The following ACTA2 variants were observed in gnomAD, a reference collection of about 807,000 sequenced individuals.
ACTA2 encodes the protein actin, aortic smooth muscle.
ACTA2 carries 12 observed loss-of-function variants against 39.5 expected under a neutral mutation model. That is an observed-to-expected ratio of 0.30 (90% CI 0.19 to 0.49). The LOEUF (loss-of-function observed/expected upper bound fraction) is 0.49, where lower values mean the gene tolerates loss of function less well. Ranked by LOEUF, ACTA2 falls within the 20% of genes least tolerant of loss-of-function variation. The pLI, the probability that ACTA2 is intolerant of heterozygous loss-of-function variation, is 0.99. For missense variants in ACTA2, 236 were observed against 498.8 expected (o/e 0.47, Z 5.02); for synonymous variants, 158 against 180.6 (o/e 0.88, Z 1.00).
chr10:88,948,561 A>G (rs1013809473), intron 2 of ACTA2: 9 of 480,754 alleles, frequency 1.9e-5, no homozygotes, highest in East Asian at 4.0e-5. Flanking sequence ...GATAATGACT[A>G]TATTTAGACA....
intron 1 of ACTA2, 63 bp from the exon 2 acceptor site, chr10:88,949,016 A>G: frequency 6.4e-7 from 1 of 1,573,558 alleles, no homozygotes; most frequent in African/African-American, 1.3e-5. Flanking sequence ...CTTACCTGAC[A>G]ACTCCCACCT....
At chr10:88,950,650 C>T (rs984880530) in intron 1 of ACTA2, among the ~76,000 whole-genome samples, 1 of 152,140 alleles carries the variant, frequency 6.6e-6, no homozygotes, top group Non-Finnish European at 1.5e-5. Context: ...TTTAGGACAA[C>T]GAAGATTTCA....
chr10:88,972,903 A>G (rs1161450829), intron 1 of ACTA2, among the ~76,000 whole-genome samples: 1 of 152,146 alleles, frequency 6.6e-6, no homozygotes, highest in Non-Finnish European at 1.5e-5. Context: ...ATTTTGTAGG[A>G]TACTAGGTGT....
intron 1 of ACTA2, among the ~76,000 whole-genome samples, chr10:88,978,915 T>C (rs562041166): frequency 2.6e-5 from 4 of 151,460 alleles, no homozygotes; most frequent in African/African-American, 9.7e-5. Flanking sequence ...ATTATTATTA[T>C]TAATAGGAAC....
chr10:88,962,167 G>C (rs80328397), intron 1 of ACTA2, among the ~76,000 whole-genome samples: 2,486 of 152,234 alleles, frequency 0.016, 84 homozygotes, highest in African/African-American at 0.057. Flanking sequence ...AGAGTTGCCA[G>C]ATCTTCCACT....
At chr10:88,960,585 C>A (rs148011552) in intron 1 of ACTA2, among the ~76,000 whole-genome samples, 2 of 152,036 alleles carry the variant, frequency 1.3e-5, no homozygotes, top group African/African-American at 4.8e-5. Context: ...CTAAAGAAGA[C>A]AAAATATCAG....
At chr10:88,975,192 T>A (rs1846534599) in intron 1 of ACTA2, 1 of 151,094 alleles carries the variant, frequency 6.6e-6, no homozygotes, top group South Asian at 2.1e-4. Context: ...CAAACAATGA[T>A]ACTGCCTCTA....
rs527241765 is a variant in ACTA2, at chr10:88,960,575, C to T, written c.-23-11622G>A. Among the ~76,000 whole-genome samples, 5 of 152,168 alleles carry T rather than the reference C, an allele frequency of 3.3e-5. No individual in the cohort carries two copies. The South Asian group carries it at 1.0e-3, about 32-fold the overall frequency. On this transcript the variant is annotated intron_variant, in intron 1 of 4. Transcript: ENST00000415557. Reference sequence around the variant, plus strand: ...AATCATAGCGACCAAGAGGCATTCCCTAAAGAAGACAAAATATCAGTGGTA... The same window carrying T: ...AATCATAGCGACCAAGAGGCATTCCTTAAAGAAGACAAAATATCAGTGGTA...
At chr10:88,965,543 C>T (rs1320409100) in intron 1 of ACTA2, among the ~76,000 whole-genome samples, 1 of 152,164 alleles carries the variant, frequency 6.6e-6, no homozygotes, top group African/African-American at 2.4e-5. Context: ...GCCTAGTGTA[C>T]TTGCCTTAGG....
chr10:88,971,088 T>A (rs542033504), intron 1 of ACTA2, among the ~76,000 whole-genome samples: 22 of 152,344 alleles, frequency 1.4e-4, no homozygotes, highest in Admixed American at 1.4e-3. Context: ...TTTTCCCGAA[T>A]AATGGCGTCT....
At chr10:88,947,125 T>C (rs1038548026) in intron 3 of ACTA2, 133 bp downstream of exon 3, 6 of 1,319,426 alleles carry the variant, frequency 4.5e-6, no homozygotes, top group Non-Finnish European at 6.3e-6. Context: ...TAACCCAGAA[T>C]GAACATTAAC....
chr10:88,973,248 T>C lies in ACTA2; in HGVS notation c.-24+17691A>G. 3 of 1,612,694 alleles carry C rather than the reference T, an allele frequency of 1.9e-6. No individual in the cohort carries two copies. The South Asian group carries it at 3.3e-5, about 18-fold the overall frequency. ...GGAGATGGAGCCCCTGAAAATTGGCTATGGACCAAATGGATTCCCACTCTT... is the reference window on the plus strand; with the variant it reads ...GGAGATGGAGCCCCTGAAAATTGGCCATGGACCAAATGGATTCCCACTCTT... On this transcript the variant is annotated intron_variant, in intron 1 of 4. Transcript: ENST00000415557.
chr10:88,975,473 C>T (rs1793144895), intron 1 of ACTA2, among the ~76,000 whole-genome samples: 2 of 152,116 alleles, frequency 1.3e-5, no homozygotes, highest in Admixed American at 6.5e-5. Flanking sequence ...GTCATTCCTG[C>T]TTTCCCAGTT....
chr10:88,942,947 C>G (rs1194611669), intron 4 of ACTA2, among the ~76,000 whole-genome samples: 2 of 152,222 alleles, frequency 1.3e-5, no homozygotes, highest in Non-Finnish European at 2.9e-5. Context: ...GCTGGAAGAT[C>G]GTGGATCAAT....
In ACTA2 at chr10:88,939,300, CATAG is replaced by C. The variant is rs1259518115; in HGVS notation, c.808+203_808+206del. On this transcript the variant is annotated intron_variant, in intron 7 of 8. Coordinates refer to ENST00000224784, the MANE Select transcript of ACTA2 (RefSeq NM_001613.4). Reference sequence around the variant, plus strand: ...ATGAATGCTTTGGGCTTAACTGCAACATAGATAGTGTTTTCTTAGGAAGAAAACC... The same window carrying C: ...ATGAATGCTTTGGGCTTAACTGCAACATAGTGTTTTCTTAGGAAGAAAACC... 3.5e-5 allele frequency: 22 copies of C among 634,868 alleles called. No homozygotes were observed. The East Asian group carries it at 6.2e-4, about 18-fold the overall frequency. 39.3% of individuals were successfully genotyped at this position (634,868 alleles called of 1,614,324 possible).
intron 1 of ACTA2, among the ~76,000 whole-genome samples, chr10:88,966,353 C>T (rs1220342055): frequency 2.6e-5 from 4 of 152,112 alleles, no homozygotes; most frequent in Admixed American, 6.6e-5. Context: ...GGACTGTGGG[C>T]CTGCATTCTA....
Position 88,962,915 on chromosome 10 carries a change from A to G in ACTA2, c.-23-13962T>C, listed in dbSNP as rs1351266849. Among the ~76,000 whole-genome samples, 6 of 812 alleles carry G rather than the reference A, an allele frequency of 7.4e-3. No homozygotes were observed. In the East Asian group the frequency reaches 0.14, roughly 19 times the overall value. 0.5% of individuals were successfully genotyped at this position (812 alleles called of 152,430 possible). A position where few individuals can be genotyped will look rare whatever the true frequency, so the allele number is the denominator to read the frequency against. ...GAGTGAGTGCAGGGGAATGCCCCATATATATATATATATATATATATATAT... is the reference window on the plus strand; with the variant it reads ...GAGTGAGTGCAGGGGAATGCCCCATGTATATATATATATATATATATATAT... On this transcript the variant is annotated intron_variant, in intron 1 of 4. Transcript: ENST00000415557.
intron 1 of ACTA2, among the ~76,000 whole-genome samples, chr10:88,970,142 A>T (rs1227009171): frequency 6.6e-6 from 1 of 152,152 alleles, no homozygotes; most frequent in Non-Finnish European, 1.5e-5. Context: ...TCAGGATATG[A>T]TACCTAAAGA....
intron 1 of ACTA2, among the ~76,000 whole-genome samples, chr10:88,970,576 G>A (rs754893838): frequency 1.3e-5 from 2 of 152,166 alleles, no homozygotes; most frequent in African/African-American, 2.4e-5. Context: ...ATTGCATTTA[G>A]ATAGTCCAGA....
Sources: allele counts gnomAD v4.1 joint callset (sites outside exome capture counted in the v4.1 genomes callset), GRCh38; gene constraint gnomAD v4.1.1; transcripts MANE v1.5; gene names NCBI Gene and HGNC (gene_info 2026-07-23, HGNC 2026-07-21).